RYR2: variants seen among roughly 807,000 people sequenced by gnomAD.
RYR2 encodes the protein ryanodine receptor 2, also known as cardiac muscle ryanodine receptor-calcium release channel.
RYR2 carries 227 observed loss-of-function variants against 601.1 expected under a neutral mutation model. The observed-to-expected ratio is 0.38, with a 90% CI of 0.34 to 0.42. RYR2 has a LOEUF of 0.42. RYR2 is among the 10% of genes least tolerant of loss of function. The pLI is 1.00. For synonymous variants in RYR2, 2,223 were observed against 2,175.1 expected, an observed-to-expected ratio of 1.02 and a Z score of -0.61; for missense variants, 4,646 against 6,156.5, an observed-to-expected ratio of 0.75 and a Z score of 8.21.
chr1:237,704,605 G>C (rs1688220043), intron 66 of RYR2, among the ~76,000 whole-genome samples: 1 of 151,304 alleles, frequency 6.6e-6, no homozygotes, highest in South Asian at 2.1e-4. Flanking sequence ...TGTTGTTTTT[G>C]CCTATATATT....
chr1:237,062,159 T>C (rs927804152), intron 1 of RYR2, among the ~76,000 whole-genome samples: 1 of 152,234 alleles, frequency 6.6e-6, no homozygotes, highest in Non-Finnish European at 1.5e-5. Flanking sequence ...TTTTGTTATA[T>C]GTTGGTGTTC....
chr1:237,517,996 C>G (rs1181782009), intron 24 of RYR2, among the ~76,000 whole-genome samples: 1 of 152,134 alleles, frequency 6.6e-6, no homozygotes, highest in Non-Finnish European at 1.5e-5. Context: ...AAGTGCCCCT[C>G]AGAACACAAC....
chr1:237,462,003 A>G (rs1434919533), intron 16 of RYR2, among the ~76,000 whole-genome samples: 2 of 152,294 alleles, frequency 1.3e-5, no homozygotes, highest in Admixed American at 6.5e-5. Context: ...AATTCATTGT[A>G]ATCATAAGAT....
intron 17 of RYR2, 39 bp downstream of exon 17, chr1:237,469,226 T>C (rs780385671): frequency 3.0e-6 from 2 of 662,346 alleles, no homozygotes; most frequent in South Asian, 1.8e-5. Context: ...GATAGATCAC[T>C]CCTATTTTTC....
chr1:237,161,574 A>T (rs1298528682), intron 1 of RYR2, among the ~76,000 whole-genome samples: 1 of 151,658 alleles, frequency 6.6e-6, no homozygotes, highest in Non-Finnish European at 1.5e-5. Flanking sequence ...TCACATGAGT[A>T]TTTCAAATTG....
chr1:237,164,941 A>C (rs980390206), intron 1 of RYR2, among the ~76,000 whole-genome samples: 33 of 150,644 alleles, frequency 2.2e-4, no homozygotes, highest in African/African-American at 8.0e-4. Flanking sequence ...ATTATTTGCT[A>C]TGTAAATGAT....
chr1:237,689,566 T>G (rs1311948559), intron 63 of RYR2, among the ~76,000 whole-genome samples: 1 of 152,190 alleles, frequency 6.6e-6, no homozygotes, highest in Admixed American at 6.5e-5. Flanking sequence ...ACCTTAACAT[T>G]AGTTCCTTCC....
chr1:237,253,223 C>T (rs1210145347), intron 1 of RYR2, among the ~76,000 whole-genome samples: 2 of 96,226 alleles, frequency 2.1e-5, no homozygotes, highest in Admixed American at 2.6e-4. Flanking sequence ...GTGGATATTA[C>T]AAATTATTAT....
rs531722069 is a variant in RYR2 at position 237,126,199 on chromosome 1, T to C, written c.48+83630T>C. ...TTGCAGTGAGCCGAGATCATGCCACTGTACTCCAGCCTTGGCCACAGAGTA... is the reference window on the plus strand; with the variant it reads ...TTGCAGTGAGCCGAGATCATGCCACCGTACTCCAGCCTTGGCCACAGAGTA... On this transcript the variant is annotated intron_variant, in intron 1 of 104. Coordinates refer to ENST00000366574, the MANE Select transcript of RYR2 (RefSeq NM_001035.3). 2.6e-5 allele frequency among the ~76,000 whole-genome samples: 4 copies of C among 151,070 alleles called. No homozygotes were observed. In the South Asian group the frequency reaches 8.4e-4, roughly 32 times the overall value.
chr1:237,315,490 AT>A (rs939732132), intron 2 of RYR2, among the ~76,000 whole-genome samples: 3 of 152,142 alleles, frequency 2.0e-5, no homozygotes, highest in African/African-American at 7.2e-5. Flanking sequence ...ATTTACAAAT[AT>A]TTTTTGGTGG....
chr1:237,634,201 G>T (rs570464296), intron 43 of RYR2, among the ~76,000 whole-genome samples: 1 of 152,260 alleles, frequency 6.6e-6, no homozygotes, highest in East Asian at 1.9e-4. Context: ...CTGAGATATG[G>T]AATCAACCTA....
intron 101 of RYR2, among the ~76,000 whole-genome samples, chr1:237,822,885 A>G (rs1460442181): frequency 1.3e-5 from 2 of 152,338 alleles, no homozygotes; most frequent in East Asian, 1.9e-4. Context: ...AGGGATTGCA[A>G]TTCTAGTCTC....
Position 237,299,845 on chromosome 1 carries a change from A to G in RYR2, c.168+29229A>G, listed in dbSNP as rs3934359. On this transcript the variant is annotated intron_variant, in intron 2 of 104. Transcript: ENST00000366574. ...GGATCCCGGAGATGCTGACAAATTC[A>G]TAATGTGTTTTAAATTGCTAGGATG... Among the ~76,000 whole-genome samples the G allele has an allele frequency of 6.4e-3, 978 of 152,302 alleles. 15 individuals carry two copies. The highest frequency in any genetic ancestry group is 0.022 in the African/African-American group (910 of 41,556).
intron 23 of RYR2, among the ~76,000 whole-genome samples, chr1:237,507,222 T>C (rs990020870): frequency 1.3e-5 from 2 of 152,242 alleles, no homozygotes; most frequent in Non-Finnish European, 2.9e-5. Context: ...TTCTTTCAGT[T>C]CCAATTGTGT....
At chr1:237,242,693 C>A (rs957432821) in intron 1 of RYR2, among the ~76,000 whole-genome samples, 1 of 152,144 alleles carries the variant, frequency 6.6e-6, no homozygotes, top group African/African-American at 2.4e-5. Context: ...CACTTCAGCA[C>A]AGGTCCCTCT....
rs1553271224 is a variant in RYR2 at position 237,658,009 on chromosome 1, G to T, written c.8195G>T (p.Trp2732Leu). The T allele has an allele frequency of 1.3e-6, 2 of 1,494,848 alleles. No individual in the cohort carries two copies. The highest frequency in any genetic ancestry group is 1.3e-5 in the South Asian group (1 of 75,354). 92.6% of individuals were successfully genotyped at this position (1,494,848 alleles called of 1,614,324 possible). Residue 2732 changes from tryptophan to leucine, a missense_variant, in exon 54 of 105, where the codon TGG (tryptophan) becomes TTG (leucine). Transcript: ENST00000366574. Reference protein sequence around the residue: ...NKYAEHSHDKWSMDKLANGWI... With the variant: ...NKYAEHSHDKLSMDKLANGWI... ...TATGCAGAACACTCCCATGACAAAT[G>T]GTCAATGGACAAGGTAAAAAGAGTA...
intron 33 of RYR2, among the ~76,000 whole-genome samples, chr1:237,594,893 T>TTGTTTTTGG (rs1675658865): frequency 6.4e-5 from 1 of 15,748 alleles, no homozygotes; most frequent in African/African-American, 1.1e-4. Context: ...TGGGTTTTTT[T>TTGTTTTTGG]TTTTTTTTTT....
chr1:237,225,665 C>T (rs1684283497), intron 1 of RYR2, among the ~76,000 whole-genome samples: 1 of 152,160 alleles, frequency 6.6e-6, no homozygotes, highest in African/African-American at 2.4e-5. Context: ...GTTAAGCCAT[C>T]TCCTGGGGGT....
At chr1:237,059,909 T>C (rs1017466112) in intron 1 of RYR2, among the ~76,000 whole-genome samples, 7 of 152,268 alleles carry the variant, frequency 4.6e-5, no homozygotes, top group South Asian at 2.1e-4. Flanking sequence ...GTGTGTCAGG[T>C]GTCTGTAGGG....
Sources: gnomAD v4.1 joint callset for allele counts (sites outside exome capture counted in the v4.1 genomes callset) on GRCh38, gnomAD v4.1.1 for gene constraint, MANE v1.5 for transcripts, NCBI Gene and HGNC (gene_info 2026-07-23, HGNC 2026-07-21) for gene names.